Variants in METTL8 observed in about 807,000 individuals in gnomAD.
METTL8 encodes the protein methyltransferase 8, tRNA N3-cytidine, also known as tRNA N(3)-cytidine methyltransferase METTL8, mitochondrial.
In METTL8, 32 loss-of-function variants were observed where a neutral mutation model predicts 48.7. The ratio of observed to expected loss-of-function variants is 0.66; its 90% CI spans 0.50 to 0.88. METTL8 has a LOEUF of 0.88. METTL8 is among the 40% of genes least tolerant of loss of function. METTL8 has a pLI of 0.00. For missense variants in METTL8, 464 were observed against 474.4 expected (o/e 0.98, Z 0.20); for synonymous variants, 136 against 157.1 (o/e 0.87, Z 1.01).
At chr2:171,355,794 G>A (rs1001304355) in intron 3 of METTL8, among the ~76,000 whole-genome samples, 4 of 152,220 alleles carry the variant, frequency 2.6e-5, no homozygotes, top group African/African-American at 4.8e-5. Flanking sequence ...CTCCTGGTGC[G>A]CCGTTTGCTA....
chr2:171,347,941 G>A (rs969981716), intron 3 of METTL8, among the ~76,000 whole-genome samples: 1 of 152,140 alleles, frequency 6.6e-6, no homozygotes, highest in Non-Finnish European at 1.5e-5. Context: ...CACTCTCCAG[G>A]ATACAATAAG....
At chr2:171,386,641 A>G (rs1247957074) in intron 2 of METTL8, among the ~76,000 whole-genome samples, 1 of 152,024 alleles carries the variant, frequency 6.6e-6, no homozygotes, top group Non-Finnish European at 1.5e-5. Flanking sequence ...GCAATATGGA[A>G]GGGAAGAGTG....
chr2:171,328,062 T>C (rs1421717486), intron 7 of METTL8, among the ~76,000 whole-genome samples: 1 of 152,170 alleles, frequency 6.6e-6, no homozygotes, highest in Non-Finnish European at 1.5e-5. Flanking sequence ...CATCTCATCT[T>C]GGTTCATAGT....
At chr2:171,349,980 T>A (rs1033784097) in intron 3 of METTL8, among the ~76,000 whole-genome samples, 17 of 152,214 alleles carry the variant, frequency 1.1e-4, no homozygotes, top group Non-Finnish European at 2.1e-4. Flanking sequence ...ATTATTGTTA[T>A]ACTTTAAGTT....
At chr2:171,397,256 G>A (rs1689159583) in intron 1 of METTL8, among the ~76,000 whole-genome samples, 1 of 143,634 alleles carries the variant, frequency 7.0e-6, no homozygotes, top group African/African-American at 2.5e-5. Context: ...GTTCACGTCT[G>A]TAATCTCAGA....
At position 171,339,249 on chromosome 2, in the gene METTL8, G is replaced by T. The variant is rs1193315067; in HGVS notation, c.541C>A (p.His181Asn). The T allele has an allele frequency of 4.4e-6, 7 of 1,603,478 alleles. No homozygotes were observed. Among genetic ancestry groups the T allele is most frequent in the African/African-American group, 2.7e-5 (2 of 74,184 alleles). Residue 181 changes from histidine to asparagine, a missense_variant, in exon 4 of 10, where the codon CAC becomes AAC. His to Asn is a moderately conservative substitution (Grantham distance 68). Transcript: ENST00000375258. ...SDFSNLDSEK[H>N]KKGPMETGLF... ...CCAGTCTCCATAGGTCCTTTTTTGT[G>T]TTTTTCAGAGTCTAGGTTGGAAAAA...
At chr2:171,352,572 A>C (rs999289498) in intron 3 of METTL8, among the ~76,000 whole-genome samples, 51 of 152,292 alleles carry the variant, frequency 3.3e-4, no homozygotes, top group South Asian at 6.2e-4. Context: ...CCTCTGGTAG[A>C]ATTCGGCTGT....
intron 2 of METTL8, among the ~76,000 whole-genome samples, chr2:171,368,251 A>T (rs1025938900): frequency 2.6e-5 from 4 of 152,360 alleles, no homozygotes; most frequent in South Asian, 4.1e-4. Flanking sequence ...TTCTTACTGA[A>T]GTACAATGGA....
intron 2 of METTL8, among the ~76,000 whole-genome samples, chr2:171,362,414 T>A (rs1685253473): frequency 2.6e-5 from 4 of 151,994 alleles, no homozygotes; most frequent in Admixed American, 2.6e-4. Flanking sequence ...GGGGTAACAA[T>A]GACAGAATAT....
intron 3 of METTL8, among the ~76,000 whole-genome samples, chr2:171,341,869 T>A (rs1158602537): frequency 5.1e-5 from 7 of 137,124 alleles, no homozygotes; most frequent in Non-Finnish European, 1.1e-4. Flanking sequence ...ACACACACAC[T>A]TGTAGAAGGT....
At chr2:171,404,182 A>T (rs2105602041) in intron 1 of METTL8, among the ~76,000 whole-genome samples, 1 of 149,812 alleles carries the variant, frequency 6.7e-6, no homozygotes, top group East Asian at 2.0e-4. Context: ...ACAATAAGTT[A>T]TGTGAATATA....
At chr2:171,398,287 A>G (rs1244038999) in intron 1 of METTL8, among the ~76,000 whole-genome samples, 1 of 152,222 alleles carries the variant, frequency 6.6e-6, no homozygotes, top group Non-Finnish European at 1.5e-5. Flanking sequence ...TGATACATAC[A>G]TACATATATA....
rs1484869479 is a variant in METTL8 at position 171,330,618 on chromosome 2, T to C, written c.801A>G (p.Pro267=). ...VCDDGLPYPF[P]DGILDVILLV... The stretch of plus-strand genomic sequence containing the variant: ...GGAGAATGACATCCAGGATCCCATC[T>C]GGAAAAGGGTAAGGTAAGCCATCAT... Residue 267 remains proline, a synonymous_variant, in exon 7 of 10, where the codon CCA becomes CCG. Transcript: ENST00000375258. The C allele has an allele frequency of 6.2e-7, 1 of 1,613,790 alleles. No individual in the cohort carries two copies. Among genetic ancestry groups the C allele is most frequent in the Non-Finnish European group, 8.5e-7 (1 of 1,179,756 alleles).
intron 3 of METTL8, among the ~76,000 whole-genome samples, chr2:171,346,296 G>T (rs1254375521): frequency 1.3e-5 from 2 of 152,126 alleles, no homozygotes; most frequent in Non-Finnish European, 2.9e-5. Context: ...CAAAGTGTTG[G>T]GATTACAGGT....
At position 171,318,569 on chromosome 2, in the gene METTL8, T is replaced by C. The variant is rs1684373957; in HGVS notation, c.*5603A>G. ...TGAGGGGGTGGGGCGAGTGCAGAAC[T>C]AGGCAGAAGCAGAATGCTGAAAAGA... On this transcript the variant is annotated 3_prime_UTR_variant, in exon 10 of 10. Coordinates refer to ENST00000375258, the MANE Select transcript of METTL8 (RefSeq NM_001321154.2). 1 of 152,248 alleles carries C rather than the reference T, an allele frequency of 6.6e-6. No individual in the cohort carries two copies. Among genetic ancestry groups the C allele is most frequent in the African/African-American group, 2.4e-5 (1 of 41,464 alleles). 9.4% of individuals were successfully genotyped at this position (152,248 alleles called of 1,614,324 possible).
intron 3 of METTL8, among the ~76,000 whole-genome samples, chr2:171,356,400 A>G (rs141743763): frequency 3.2e-4 from 48 of 152,258 alleles, no homozygotes; most frequent in African/African-American, 1.2e-3. Flanking sequence ...TGGGCTCCCA[A>G]AGTGCTGGGA....
chr2:171,419,073 A>C (rs1395584750), intron 1 of METTL8, among the ~76,000 whole-genome samples: 1 of 151,184 alleles, frequency 6.6e-6, no homozygotes, highest in Non-Finnish European at 1.5e-5. Flanking sequence ...CTTTTGACAT[A>C]GTTCCATCAC....
chr2:171,414,347 G>A (rs1162690402), intron 1 of METTL8, among the ~76,000 whole-genome samples: 1 of 151,850 alleles, frequency 6.6e-6, no homozygotes, highest in African/African-American at 2.4e-5. Flanking sequence ...AACCCGGGAG[G>A]CGGAGGATGC....
At chr2:171,408,869 A>C (rs967870611) in intron 1 of METTL8, among the ~76,000 whole-genome samples, 10 of 152,094 alleles carry the variant, frequency 6.6e-5, no homozygotes, top group African/African-American at 2.4e-4. Context: ...TCTGGGAGGT[A>C]ACACATGTAG....
Sources: gnomAD v4.1 joint callset for allele counts (sites outside exome capture counted in the v4.1 genomes callset) on GRCh38, gnomAD v4.1.1 for gene constraint, MANE v1.5 for transcripts, NCBI Gene and HGNC (gene_info 2026-07-23, HGNC 2026-07-21) for gene names.